The following ZNF91 variants were observed in gnomAD, a reference collection of about 807,000 sequenced individuals.
The protein encoded by ZNF91 is zinc finger protein 91.
Under a neutral mutation model 12.6 loss-of-function variants are expected in ZNF91, and 7 were observed. The ratio of observed to expected loss-of-function variants is 0.55; its 90% CI spans 0.31 to 1.04. The LOEUF is 1.04. Ranked by LOEUF, ZNF91 falls within the 50% of genes least tolerant of loss-of-function variation. The pLI, the probability that ZNF91 is intolerant of heterozygous loss-of-function variation, is 0.05. For missense variants in ZNF91, 1,217 were observed against 1,385.4 expected, an observed-to-expected ratio of 0.88 and a Z score of 1.93; for synonymous variants, 453 against 462.6, an observed-to-expected ratio of 0.98 and a Z score of 0.27.
Position 23,309,459 on chromosome 19 carries a change from G to A in ZNF91, n.17-362C>T, listed in dbSNP as rs564697204. ...GAGCCCTGAATCAGGGTGATGTGCT[G>A]CTGTTGTCTGTGCCCTGCTTTTAGT... On this transcript the variant is annotated intron_variant and non_coding_transcript_variant, in intron 1 of 3. Transcript: ENST00000593292. 2.0e-5 allele frequency among the ~76,000 whole-genome samples: 3 copies of A among 152,266 alleles called. No individual in the cohort carries two copies. The South Asian group carries it at 6.2e-4, about 32-fold the overall frequency.
At chr19:23,376,824 A>G (rs1409579048) in intron 1 of ZNF91, among the ~76,000 whole-genome samples, 3 of 152,190 alleles carry the variant, frequency 2.0e-5, no homozygotes, top group Non-Finnish European at 4.4e-5. Context: ...GATCTGAGAC[A>G]TGTTTAGCTG....
At chr19:23,362,896 C>T (rs549332372) in intron 3 of ZNF91, among the ~76,000 whole-genome samples, 171 bp from the exon 4 acceptor site, 268 of 152,192 alleles carry the variant, frequency 1.8e-3, no homozygotes, top group South Asian at 3.1e-3. Flanking sequence ...GTTTTTGAGA[C>T]GGAGTCTCGC....
intron 3 of ZNF91, among the ~76,000 whole-genome samples, chr19:23,348,788 T>G (rs914247470): frequency 3.3e-5 from 5 of 152,186 alleles, no homozygotes; most frequent in African/African-American, 1.2e-4. Context: ...CATATTTTTC[T>G]TCTCACAGAC....
downstream of ZNF91, among the ~76,000 whole-genome samples, chr19:23,356,505 T>C (rs1019801118): frequency 6.6e-6 from 1 of 152,198 alleles, no homozygotes; most frequent in Non-Finnish European, 1.5e-5. Flanking sequence ...AAATATCGTA[T>C]GTTCTCACTG....
upstream of ZNF91, among the ~76,000 whole-genome samples, chr19:23,310,878 T>C (rs1166530895): frequency 1.3e-5 from 2 of 152,226 alleles, no homozygotes; most frequent in Admixed American, 6.5e-5. Flanking sequence ...TTGCCTTAGC[T>C]CTGCCTTCAA....
At chr19:23,312,748 T>C (rs1967491616), upstream of ZNF91, among the ~76,000 whole-genome samples, 1 of 152,202 alleles carries the variant, frequency 6.6e-6, no homozygotes, top group Non-Finnish European at 1.5e-5. Context: ...TCATGATTCA[T>C]ACCAGCACAA....
At chr19:23,371,934 C>G (rs1444056265) in intron 3 of ZNF91, among the ~76,000 whole-genome samples, 1 of 152,130 alleles carries the variant, frequency 6.6e-6, no homozygotes, top group Non-Finnish European at 1.5e-5. Context: ...TTAGAACCAA[C>G]TATAGCCTTA....
At chr19:23,390,473 G>A (rs1459433249) in intron 1 of ZNF91, among the ~76,000 whole-genome samples, 3 of 152,090 alleles carry the variant, frequency 2.0e-5, no homozygotes, top group East Asian at 3.9e-4. Flanking sequence ...TATGGTGGGG[G>A]GGCGGAAAAA....
In ZNF91 at chr19:23,361,424, T is replaced by G; in HGVS notation, c.1555A>C (p.Lys519Gln). The stretch of plus-strand genomic sequence containing the variant: ...AAAGCTTTGCCACATTCTTCAAATT[T>G]GTAGGGTTTCTCTCCAGTATGAATT... ...KIIHTGEKPY[K>Q]FEECGKAFRQ... Residue 519 changes from lysine to glutamine, a missense_variant, in exon 4 of 4, where the codon AAA (lysine) becomes CAA (glutamine). Around this residue, in one of 2 missense-constraint regions of ZNF91, gnomAD observed 726 missense variants for 895.5 expected, o/e 0.81. Coordinates refer to ENST00000300619, the MANE Select transcript of ZNF91 (RefSeq NM_003430.4). 6.2e-7 allele frequency: 1 copy of G among 1,613,780 alleles called. No homozygotes were observed. The highest frequency in any genetic ancestry group is 8.5e-7 in the Non-Finnish European group (1 of 1,179,814).
chr19:23,353,021 A>G (rs1013300113), downstream of ZNF91, among the ~76,000 whole-genome samples: 1 of 152,236 alleles, frequency 6.6e-6, no homozygotes, highest in Non-Finnish European at 1.5e-5. Context: ...GCAAACTTCA[A>G]TACTCCACTG....
intron 1 of ZNF91, among the ~76,000 whole-genome samples, chr19:23,393,371 G>C (rs1174864119): frequency 6.6e-6 from 1 of 152,152 alleles, no homozygotes; most frequent in African/African-American, 2.4e-5. Flanking sequence ...TGTCCTATGA[G>C]AGAATATGAC....
At chr19:23,345,462 G>A (rs1235102725) in intron 3 of ZNF91, among the ~76,000 whole-genome samples, 2 of 152,108 alleles carry the variant, frequency 1.3e-5, no homozygotes, top group East Asian at 3.9e-4. Context: ...AATTATTGCT[G>A]ATGACTGGAA....
chr19:23,356,744 T>A (rs78416182), downstream of ZNF91, among the ~76,000 whole-genome samples: 11,888 of 152,202 alleles, frequency 0.078, 596 homozygotes, highest in East Asian at 0.13. Flanking sequence ...AATAAAATTT[T>A]AAAAAAGTAT....
chr19:23,342,947 G>T (rs1248995129), intron 3 of ZNF91, among the ~76,000 whole-genome samples: 2 of 152,146 alleles, frequency 1.3e-5, no homozygotes, highest in Non-Finnish European at 2.9e-5. Flanking sequence ...GGGCAGAATT[G>T]TTAATTTTAC....
chr19:23,330,204 G>A (rs891667415), intron 1 of ZNF91, among the ~76,000 whole-genome samples: 1 of 152,050 alleles, frequency 6.6e-6, no homozygotes, highest in Non-Finnish European at 1.5e-5. Flanking sequence ...TGGGGCGGGC[G>A]CCTGTAATCC....
chr19:23,369,420 C>T lies in ZNF91; in HGVS notation c.253+4322G>A, dbSNP rs1366038317. Among the ~76,000 whole-genome samples, 11 of 151,642 alleles carry T rather than the reference C, an allele frequency of 7.3e-5. No individual in the cohort carries two copies. In the East Asian group the frequency reaches 1.8e-3, roughly 24 times the overall value. On this transcript the variant is annotated intron_variant, in intron 3 of 3. Transcript: ENST00000300619. ...GCCTCCGCCCGGCCGCTGCCCCGTC[C>T]GGGAGGTGGAGGGCGCCTCTGCCCG...
intron 3 of ZNF91, among the ~76,000 whole-genome samples, chr19:23,373,376 ATATATAT>A (rs1969368221): frequency 6.9e-5 from 6 of 86,528 alleles, no homozygotes; most frequent in African/African-American, 2.5e-4. Flanking sequence ...ATATATATAT[ATATATAT>A]ATAAATAAAC....
chr19:23,371,678 C>T (rs1181272815), intron 3 of ZNF91, among the ~76,000 whole-genome samples: 1 of 152,000 alleles, frequency 6.6e-6, no homozygotes, highest in Non-Finnish European at 1.5e-5. Context: ...CATTAATGTA[C>T]GTTAACAAAT....
At chr19:23,346,530 CTCT>C (rs1471793322) in intron 3 of ZNF91, among the ~76,000 whole-genome samples, 1 of 152,144 alleles carries the variant, frequency 6.6e-6, no homozygotes, top group Non-Finnish European at 1.5e-5. Flanking sequence ...CCCTTTTTCT[CTCT>C]TGTTTAACTG....
Sources: gnomAD v4.1 joint callset for allele counts (sites outside exome capture counted in the v4.1 genomes callset) on GRCh38, gnomAD v4.1.1 for gene constraint, gnomAD v4.1.1 regional missense constraint, MANE v1.5 for transcripts, NCBI Gene and HGNC (gene_info 2026-07-23, HGNC 2026-07-21) for gene names.